The following ATG7 variants were observed in gnomAD, a reference collection of about 807,000 sequenced individuals.
ATG7 encodes the protein autophagy related 7, also known as ubiquitin-like modifier-activating enzyme ATG7.
In ATG7, 70 loss-of-function variants were observed where a neutral mutation model predicts 82.4. The observed-to-expected ratio is 0.85, with a 90% CI of 0.70 to 1.04. The LOEUF (loss-of-function observed/expected upper bound fraction) is 1.04, where lower values mean the gene tolerates loss of function less well. ATG7 is among the 50% of genes least tolerant of loss of function. ATG7 has a pLI of 0.00. For missense variants in ATG7, 792 were observed against 864.3 expected (o/e 0.92, Z 1.05); for synonymous variants, 287 against 313.0 (o/e 0.92, Z 0.88).
intron 20 of ATG7, among the ~76,000 whole-genome samples, chr3:11,529,085 G>C (rs2124965828): frequency 6.6e-6 from 1 of 152,076 alleles, no homozygotes; most frequent in Non-Finnish European, 1.5e-5. Flanking sequence ...GTACATTCAG[G>C]TGACAGTGGA....
chr3:11,504,403 T>C lies in ATG7; in HGVS notation c.2080-50408T>C, dbSNP rs556894760. ...TCACCCTATGCAAACCATTGGAGGA[T>C]GAACTCCAGAAAAGTAAGAGTAACC... On this transcript the variant is annotated intron_variant, in intron 20 of 20. Transcript: ENST00000693202. Among the ~76,000 whole-genome samples the C allele has an allele frequency of 8.3e-4, 126 of 152,296 alleles. 1 individual carries two copies. The highest frequency in any genetic ancestry group is 6.7e-3 in the Admixed American group (102 of 15,304).
Position 11,396,034 on chromosome 3 carries a change from C to T in ATG7, c.1956+15982C>T, listed in dbSNP as rs556208703. 1.1e-4 allele frequency among the ~76,000 whole-genome samples: 17 copies of T among 148,628 alleles called. No homozygotes were observed. The South Asian group carries it at 3.4e-3, about 30-fold the overall frequency. On this transcript the variant is annotated intron_variant, in intron 19 of 20. Transcript: ENST00000693202. Reference sequence around the variant, plus strand: ...GTATAGACAAGAACAGAGTCCACCACTAGCATGTTTACACAAAAGGACTTT... The same window carrying T: ...GTATAGACAAGAACAGAGTCCACCATTAGCATGTTTACACAAAAGGACTTT...
At chr3:11,516,261 C>A (rs1220160413) in intron 20 of ATG7, among the ~76,000 whole-genome samples, 1 of 151,888 alleles carries the variant, frequency 6.6e-6, no homozygotes, top group Non-Finnish European at 1.5e-5. Flanking sequence ...GGGTGCAGCA[C>A]ACCAACATGG....
At chr3:11,300,225 C>T (rs1946577213) in intron 5 of ATG7, among the ~76,000 whole-genome samples, 2 of 152,152 alleles carry the variant, frequency 1.3e-5, no homozygotes, top group Admixed American at 1.3e-4. Context: ...CCACCACACC[C>T]AGCCAAGAGA....
At chr3:11,472,641 C>G (rs2087679212) in intron 20 of ATG7, among the ~76,000 whole-genome samples, 1 of 152,102 alleles carries the variant, frequency 6.6e-6, no homozygotes, top group African/African-American at 2.4e-5. Flanking sequence ...TTTTTTGTTG[C>G]TAATACGTCT....
chr3:11,385,788 A>G (rs1042489652), intron 19 of ATG7, among the ~76,000 whole-genome samples: 2 of 152,228 alleles, frequency 1.3e-5, no homozygotes, highest in Non-Finnish European at 2.9e-5. Context: ...AATTGCATGT[A>G]TAATAGCCAG....
At chr3:11,409,149 T>C (rs2080646798) in intron 19 of ATG7, among the ~76,000 whole-genome samples, 1 of 152,262 alleles carries the variant, frequency 6.6e-6, no homozygotes, top group Admixed American at 6.5e-5. Context: ...ATGTTTAATT[T>C]TAATAAAGTC....
In ATG7 at chr3:11,298,734, G is replaced by C; in HGVS notation, c.39G>C (p.Leu13=). ...AATGDPGLSK[L]QFAPFSSALD... ...CGGGGGATCCTGGACTCTCTAAACT[G>C]CAGTTTGCCCCTTTTAGTAGTGCCT... Residue 13 remains leucine (L), a synonymous_variant, in exon 4 of 21, where the codon CTG becomes CTC. Coordinates refer to ENST00000693202, the MANE Select transcript of ATG7 (RefSeq NM_001349232.2). The C allele has an allele frequency of 6.2e-7, 1 of 1,614,164 alleles. No homozygotes were observed. Among genetic ancestry groups the C allele is most frequent in the South Asian group, 1.1e-5 (1 of 91,082 alleles).
At chr3:11,474,752 T>A (rs1271346170) in intron 20 of ATG7, among the ~76,000 whole-genome samples, 1 of 152,106 alleles carries the variant, frequency 6.6e-6, no homozygotes, top group African/African-American at 2.4e-5. Context: ...GAGCCCGGAA[T>A]GCAAAGAAAG....
Position 11,364,339 on chromosome 3 carries a change from C to T in ATG7, c.1800-320C>T, listed in dbSNP as rs575871524. On this transcript the variant is annotated intron_variant, in intron 17 of 20. Transcript: ENST00000693202. ...CCTCTGATATGCCGAACATTGCACT[C>T]GGCAGTTGATGTAGTAGATTCCTCA... 9.2e-5 allele frequency among the ~76,000 whole-genome samples: 14 copies of T among 152,286 alleles called. No homozygotes were observed. In the South Asian group the frequency reaches 1.4e-3, roughly 16 times the overall value.
chr3:11,482,280 G>A (rs1307389432), intron 20 of ATG7, among the ~76,000 whole-genome samples: 1 of 152,194 alleles, frequency 6.6e-6, no homozygotes, highest in Non-Finnish European at 1.5e-5. Flanking sequence ...ATCTCCTGGT[G>A]TTTGGGCTCC....
intron 5 of ATG7, among the ~76,000 whole-genome samples, chr3:11,306,534 C>G (rs563554751): frequency 3.3e-5 from 5 of 152,292 alleles, no homozygotes; most frequent in Admixed American, 6.5e-5. Flanking sequence ...GTTTTAGATT[C>G]AAGCTCTGCC....
intron 20 of ATG7, chr3:11,529,531 A>G (rs1243183035): frequency 1.9e-5 from 3 of 154,386 alleles, no homozygotes; most frequent in African/African-American, 7.2e-5. Flanking sequence ...TGGTAGTCAG[A>G]TGAGGTCAAG....
chr3:11,406,853 G>A (rs1295459362), intron 19 of ATG7, among the ~76,000 whole-genome samples: 1 of 152,108 alleles, frequency 6.6e-6, no homozygotes, highest in African/African-American at 2.4e-5. Flanking sequence ...CTCCCACTGG[G>A]TCCCTCCCAT....
At chr3:11,346,269 A>G (rs1040496900) in intron 13 of ATG7, among the ~76,000 whole-genome samples, 2 of 152,208 alleles carry the variant, frequency 1.3e-5, no homozygotes, top group Admixed American at 1.3e-4. Flanking sequence ...CATTGTTTCC[A>G]GTTTTTTACA....
rs1487300219 is a variant in ATG7, at chr3:11,315,425, G to A, written c.610G>A (p.Asp204Asn). The A allele has an allele frequency of 1.9e-6, 3 of 1,613,118 alleles. No homozygotes were observed. Among genetic ancestry groups the A allele is most frequent in the African/African-American group, 2.7e-5 (2 of 75,044 alleles). Reference sequence around the variant, plus strand: ...TCTTCCTTACTTCTTAATCAAGTATGATGAGAACATGGTGCTGGTTTCCTT... The same window carrying A: ...TCTTCCTTACTTCTTAATCAAGTATAATGAGAACATGGTGCTGGTTTCCTT... The part of the protein sequence containing the change: ...TALPYFLIKY[D>N]ENMVLVSLLK... The change falls in exon 9 of 21, where the codon GAT (aspartate) becomes AAT (asparagine). Residue 204 changes from aspartate (D) to asparagine (N), a missense_variant. Transcript: ENST00000693202.
At chr3:11,576,313 T>C in the ATG7 span, among the ~76,000 whole-genome samples, 1 of 152,236 alleles carries the variant, frequency 6.6e-6, no homozygotes, top group Non-Finnish European at 1.5e-5. Context: ...TGAATGGAGA[T>C]GTTGCTGAGA....
intron 16 of ATG7, among the ~76,000 whole-genome samples, chr3:11,361,839 A>G (rs1219632704): frequency 6.6e-6 from 1 of 152,208 alleles, no homozygotes; most frequent in African/African-American, 2.4e-5. Context: ...GTCAGTCTGT[A>G]TGTAGGTCTG....
At chr3:11,300,229 C>CA (rs1946578108) in intron 5 of ATG7, among the ~76,000 whole-genome samples, 1 of 152,064 alleles carries the variant, frequency 6.6e-6, no homozygotes, top group African/African-American at 2.4e-5. Context: ...CACACCCAGC[C>CA]AAGAGACACA....
Sources: allele counts gnomAD v4.1 joint callset (sites outside exome capture counted in the v4.1 genomes callset), GRCh38; gene constraint gnomAD v4.1.1; transcripts MANE v1.5; gene names NCBI Gene and HGNC (gene_info 2026-07-23, HGNC 2026-07-21).